The following CD70 variants were observed in gnomAD, a reference collection of about 807,000 sequenced individuals.
CD70 encodes CD70 molecule.
A neutral mutation model predicts 9.0 loss-of-function variants in CD70; 6 were observed. That is an observed-to-expected ratio of 0.67 (90% CI 0.37 to 1.32). The LOEUF (loss-of-function observed/expected upper bound fraction) is 1.32, where lower values mean the gene tolerates loss of function less well. CD70 is among the 40% of genes most tolerant of loss of function. The pLI is 0.02. For missense variants in CD70, 235 were observed against 258.7 expected, an observed-to-expected ratio of 0.91 and a Z score of 0.63; for synonymous variants, 108 against 112.3, an observed-to-expected ratio of 0.96 and a Z score of 0.24.
In CD70 at chr19:6,590,318, G is replaced by A. The variant is rs1916129758; in HGVS notation, c.163-182C>T. 6.6e-6 allele frequency among the ~76,000 whole-genome samples: 1 copy of A among 152,180 alleles called. No individual in the cohort carries two copies. Among genetic ancestry groups the A allele is most frequent in the African/African-American group, 2.4e-5 (1 of 41,432 alleles). On this transcript the variant is annotated intron_variant, in intron 1 of 2. Coordinates refer to ENST00000245903, the MANE Select transcript of CD70 (RefSeq NM_001252.5). This position sits in a 1 kb window ranked among gnomAD's most constrained non-coding sequence, Gnocchi z 5.3. The stretch of plus-strand genomic sequence containing the variant: ...CTTAAGACTTCTTAAAGAGGAAGCA[G>A]GTCTGAACCAGCGGGGAACGTGAAG...
At chr19:6,587,218 G>GAGAC (rs1264880016) in intron 2 of CD70, among the ~76,000 whole-genome samples, 3 of 151,068 alleles carry the variant, frequency 2.0e-5, no homozygotes, top group African/African-American at 7.3e-5. Context: ...GACAGCGAGA[G>GAGAC]AGTGTGAGAG....
chr19:6,582,163 G>A (rs534402535), downstream of CD70, among the ~76,000 whole-genome samples: 14 of 151,814 alleles, frequency 9.2e-5, no homozygotes, highest in African/African-American at 3.4e-4. Context: ...CAAGTCGCGG[G>A]GACTACAGGC....
At chr19:6,583,438 G>A (rs753036060), downstream of CD70, 13 of 674,566 alleles carry the variant, frequency 1.9e-5, no homozygotes, top group South Asian at 2.1e-4. Flanking sequence ...GCCGTAAGAA[G>A]CACTTGACTT....
chr19:6,583,277 A>G (rs779801569), downstream of CD70: 4 of 665,634 alleles, frequency 6.0e-6, no homozygotes, highest in South Asian at 1.6e-5. Flanking sequence ...CTGTTACAAA[A>G]CCAGTAACTT....
chr19:6,584,880 G>A (rs553147895), downstream of CD70, among the ~76,000 whole-genome samples: 1 of 152,108 alleles, frequency 6.6e-6, no homozygotes, highest in Admixed American at 6.6e-5. Context: ...GTAGAGGTGA[G>A]GTTTCGCCAT....
chr19:6,584,820 C>A (rs780440847), downstream of CD70, among the ~76,000 whole-genome samples: 1 of 151,826 alleles, frequency 6.6e-6, no homozygotes, highest in Non-Finnish European at 1.5e-5. Context: ...GAGACAGGAT[C>A]ATGCCACCGC....
chr19:6,587,363 TGAGA>T (rs888474934), intron 2 of CD70, among the ~76,000 whole-genome samples: 7 of 147,426 alleles, frequency 4.7e-5, no homozygotes, highest in African/African-American at 1.3e-4. Flanking sequence ...CGAGAGAGCT[TGAGA>T]GAGAGTGCAC....
At chr19:6,583,401 T>C, downstream of CD70, 1 of 702,080 alleles carries the variant, frequency 1.4e-6, no homozygotes, top group Middle Eastern at 2.3e-4. Flanking sequence ...GTTAATGGGA[T>C]AAAACAGTGT....
chr19:6,583,606 T>G, downstream of CD70: 2 of 543,880 alleles, frequency 3.7e-6, no homozygotes, highest in South Asian at 2.6e-5. Context: ...CCACCCAGGC[T>G]GGAGTGCAGT....
chr19:6,583,553 CTTTTTTTT>C (rs72193958), downstream of CD70: 37 of 402,592 alleles, frequency 9.2e-5, no homozygotes, highest in African/African-American at 4.4e-4. Context: ...TAATTGTAGT[CTTTTTTTT>C]TTTTTTTTTT....
chr19:6,585,048 G>A (rs1026030799), downstream of CD70, among the ~76,000 whole-genome samples: 14 of 151,948 alleles, frequency 9.2e-5, 1 homozygote, highest in African/African-American at 3.4e-4. Context: ...GTGCAATGAC[G>A]CGATCTTGGC....
chr19:6,583,555 T>A, downstream of CD70: 3 of 43,250 alleles, frequency 6.9e-5, no homozygotes, highest in Non-Finnish European at 1.3e-4. Flanking sequence ...ATTGTAGTCT[T>A]TTTTTTTTTT....
chr19:6,587,495 T>G (rs1916053261), intron 2 of CD70, among the ~76,000 whole-genome samples: 1 of 149,216 alleles, frequency 6.7e-6, no homozygotes, highest in Non-Finnish European at 1.5e-5. Context: ...CCTGAGAGAG[T>G]GAGACAGACA....
chr19:6,582,348 CTTTTTTTT>C (rs59168141), downstream of CD70, among the ~76,000 whole-genome samples: 2 of 135,182 alleles, frequency 1.5e-5, no homozygotes, highest in Admixed American at 1.5e-4. Context: ...GCAGTCAAAT[CTTTTTTTT>C]TTTTTTTTTT....
chr19:6,590,816 T>C lies in CD70; in HGVS notation c.162+25A>G, dbSNP rs1916140085. On this transcript the variant is annotated intron_variant, in intron 1 of 2. Transcript: ENST00000245903. This position sits in a 1 kb window ranked among gnomAD's most constrained non-coding sequence, Gnocchi z 5.3. ...GGTCACGCGCCTCTCTATGTTTTCT[T>C]CCCAACTTTTCCATCTCAACTCACC... is the stretch of plus-strand genomic sequence containing the variant. The C allele has an allele frequency of 1.2e-6, 2 of 1,602,096 alleles. No individual in the cohort carries two copies. The highest frequency in any genetic ancestry group is 1.3e-5 in the African/African-American group (1 of 74,666).
chr19:6,588,288 G>A (rs907400949), intron 2 of CD70, among the ~76,000 whole-genome samples: 2 of 152,156 alleles, frequency 1.3e-5, no homozygotes, highest in Admixed American at 6.5e-5. Flanking sequence ...CAACACCTGT[G>A]GCCACCACCC....
Position 6,591,112 on chromosome 19 carries a change from C to T in CD70, c.-110G>A. 1.6e-6 allele frequency: 2 copies of T among 1,223,316 alleles called. No individual in the cohort carries two copies. Among genetic ancestry groups the T allele is most frequent in the Non-Finnish European group, 2.2e-6 (2 of 907,602 alleles). 75.8% of individuals were successfully genotyped at this position (1,223,316 alleles called of 1,614,324 possible). On this transcript the variant is annotated 5_prime_UTR_variant, in exon 1 of 3. Coordinates refer to ENST00000245903, the MANE Select transcript of CD70 (RefSeq NM_001252.5). ...CCCTCCCGGGGCTCCTGGGCGTCTA[C>T]TTGCTTCAACCTGTCAGGGGACCAG...
In CD70 at chr19:6,586,209, T is replaced by C. The variant is rs1420629229; in HGVS notation, c.393A>G (p.Gly131=). 1 of 1,614,044 alleles carries C rather than the reference T, an allele frequency of 6.2e-7. No individual in the cohort carries two copies. The highest frequency in any genetic ancestry group is 1.7e-5 in the Admixed American group (1 of 60,002). Residue 131 remains glycine, a synonymous_variant, in exon 3 of 3, where the codon GGA becomes GGG. Coordinates refer to ENST00000245903, the MANE Select transcript of CD70 (RefSeq NM_001252.5). ...TGCTACGGGAGGCGGGAGAGCAGAT[T>C]CCCACGGCCAGGGTGGTGGGGTGGT... ...SRHHPTTLAV[G]ICSPASRSIS... is the part of the protein sequence containing the mutation.
downstream of CD70, chr19:6,583,569 T>TTTTG: frequency 1.3e-5 from 5 of 395,090 alleles, no homozygotes; most frequent in Non-Finnish European, 2.2e-5. Flanking sequence ...TTTTTTTTTT[T>TTTTG]TTTTTTTTAA....
Sources: allele counts gnomAD v4.1 joint callset (sites outside exome capture counted in the v4.1 genomes callset), GRCh38; gene constraint gnomAD v4.1.1; non-coding constraint Gnocchi (gnomAD v3.1); transcripts MANE v1.5; gene names NCBI Gene and HGNC (gene_info 2026-07-23, HGNC 2026-07-21).